The following GALNT13 variants were observed in gnomAD, a reference collection of about 807,000 sequenced individuals.
GALNT13 encodes UDP-GalNAc:polypeptide N-acetylgalactosaminyltransferase 13.
In GALNT13, 28 loss-of-function variants were observed where a neutral mutation model predicts 64.2. That is an observed-to-expected ratio of 0.44 (90% CI 0.32 to 0.60). The LOEUF (loss-of-function observed/expected upper bound fraction) is 0.60. Among genes scored for constraint, GALNT13 ranks in the 20% least tolerant of loss-of-function variants. The pLI, the probability that GALNT13 is intolerant of heterozygous loss-of-function variation, is 0.05. For synonymous variants in GALNT13, 214 were observed against 224.6 expected (o/e 0.95, Z 0.42); for missense variants, 577 against 669.8 (o/e 0.86, Z 1.53).
At chr2:153,466,780 G>A in the GALNT13 span, among the ~76,000 whole-genome samples, 7,269 of 152,042 alleles carry the variant, frequency 0.048, 263 homozygotes, top group South Asian at 0.14. Context: ...TCTGGGTTAA[G>A]TTTTAGCATA....
the GALNT13 span, among the ~76,000 whole-genome samples, chr2:153,728,427 A>G: frequency 3.3e-5 from 5 of 152,100 alleles, no homozygotes; most frequent in Non-Finnish European, 7.4e-5. Flanking sequence ...ACTTTTTTAA[A>G]GAAGTTATTT....
intron 4 of GALNT13, among the ~76,000 whole-genome samples, chr2:154,152,844 CA>C (rs1353582607): frequency 6.6e-6 from 1 of 152,052 alleles, no homozygotes; most frequent in African/African-American, 2.4e-5. Flanking sequence ...AAATTTTTTT[CA>C]AAGTTTTCAA....
chr2:153,107,354 T>A, the GALNT13 span, among the ~76,000 whole-genome samples: 1 of 152,172 alleles, frequency 6.6e-6, no homozygotes, highest in African/African-American at 2.4e-5. Flanking sequence ...ACACCCATGA[T>A]GTATGTTAAA....
chr2:153,082,660 C>A, the GALNT13 span, among the ~76,000 whole-genome samples: 1 of 90,010 alleles, frequency 1.1e-5, no homozygotes, highest in Admixed American at 1.4e-4. Flanking sequence ...CACACACACA[C>A]ACACATATAT....
At chr2:154,002,918 C>T (rs970963582) in intron 3 of GALNT13, among the ~76,000 whole-genome samples, 2 of 152,128 alleles carry the variant, frequency 1.3e-5, no homozygotes, top group Non-Finnish European at 2.9e-5. Flanking sequence ...CTGCTGTTTC[C>T]CATGCTGAGG....
chr2:153,296,008 A>G, the GALNT13 span, among the ~76,000 whole-genome samples: 1 of 152,140 alleles, frequency 6.6e-6, no homozygotes, highest in African/African-American at 2.4e-5. Context: ...TAGAGCGCCC[A>G]CTCAGTCTTT....
intron 3 of GALNT13, among the ~76,000 whole-genome samples, chr2:153,948,778 C>T (rs561637693): frequency 6.6e-6 from 1 of 152,100 alleles, no homozygotes; most frequent in Non-Finnish European, 1.5e-5. Flanking sequence ...AGCTCATGTT[C>T]TCACTTATAA....
the GALNT13 span, among the ~76,000 whole-genome samples, chr2:153,586,524 C>G: frequency 6.6e-6 from 1 of 152,120 alleles, no homozygotes. Context: ...CTAGAGCACA[C>G]AGATTTGCAA....
chr2:153,372,632 G>A, the GALNT13 span, among the ~76,000 whole-genome samples: 95 of 148,918 alleles, frequency 6.4e-4, 1 homozygote, highest in African/African-American at 2.3e-3. Flanking sequence ...GTGACAGAGC[G>A]AGACTCTGTC....
intron 2 of GALNT13, among the ~76,000 whole-genome samples, chr2:153,929,239 G>T (rs1387844567): frequency 6.6e-6 from 1 of 152,152 alleles, no homozygotes; most frequent in Non-Finnish European, 1.5e-5. Flanking sequence ...GACAATGTGA[G>T]GTCGAGTGGG....
At chr2:154,042,229 C>G (rs1335785530) in intron 3 of GALNT13, among the ~76,000 whole-genome samples, 1 of 139,520 alleles carries the variant, frequency 7.2e-6, no homozygotes, top group African/African-American at 2.5e-5. Flanking sequence ...AGTCTGTTAC[C>G]TTGAGCATAA....
intron 3 of GALNT13, among the ~76,000 whole-genome samples, chr2:153,998,770 T>C (rs1167635709): frequency 6.6e-6 from 1 of 152,208 alleles, no homozygotes; most frequent in Non-Finnish European, 1.5e-5. Flanking sequence ...TTTATGGTTT[T>C]AGGTCTTATG....
chr2:154,068,296 C>G (rs1409587151), intron 3 of GALNT13, among the ~76,000 whole-genome samples: 2 of 151,898 alleles, frequency 1.3e-5, no homozygotes, highest in Non-Finnish European at 2.9e-5. Context: ...CTATGGAGAA[C>G]ACTTTGAAGA....
chr2:153,846,719 A>G, the GALNT13 span, among the ~76,000 whole-genome samples: 1 of 152,104 alleles, frequency 6.6e-6, no homozygotes, highest in Non-Finnish European at 1.5e-5. Context: ...AAGAAAATCC[A>G]AAAAACAGAC....
chr2:154,054,927 C>G (rs748458953), intron 3 of GALNT13, among the ~76,000 whole-genome samples: 7 of 151,958 alleles, frequency 4.6e-5, no homozygotes, highest in Non-Finnish European at 8.8e-5. Flanking sequence ...GGCCACACAA[C>G]TTGTTCAGTG....
chr2:153,244,569 G>T, the GALNT13 span, among the ~76,000 whole-genome samples: 1 of 152,342 alleles, frequency 6.6e-6, no homozygotes, highest in African/African-American at 2.4e-5. Flanking sequence ...CCCCAGCCAA[G>T]GGAAGCCATG....
intron 3 of GALNT13, among the ~76,000 whole-genome samples, chr2:154,054,627 A>C (rs1008178605): frequency 6.6e-6 from 1 of 151,968 alleles, no homozygotes; most frequent in Non-Finnish European, 1.5e-5. Flanking sequence ...TTTCTGTGTA[A>C]ATATTTACAA....
chr2:153,379,449 C>T, the GALNT13 span, among the ~76,000 whole-genome samples: 1 of 152,192 alleles, frequency 6.6e-6, no homozygotes, highest in Non-Finnish European at 1.5e-5. Context: ...TTACAAGGCT[C>T]CTTTAGGGAA....
intron 3 of GALNT13, among the ~76,000 whole-genome samples, chr2:154,083,947 G>A (rs1444096662): frequency 6.6e-6 from 1 of 151,804 alleles, no homozygotes; most frequent in Non-Finnish European, 1.5e-5. Context: ...ATTCAAACGT[G>A]ATGTTTTCAT....
Sources: gnomAD v4.1 joint callset for allele counts (sites outside exome capture counted in the v4.1 genomes callset) on GRCh38, gnomAD v4.1.1 for gene constraint, MANE v1.5 for transcripts, NCBI Gene and HGNC (gene_info 2026-07-23, HGNC 2026-07-21) for gene names.